AMBRA1: variants seen among roughly 807,000 people sequenced by gnomAD.
AMBRA1 encodes autophagy and beclin 1 regulator 1.
AMBRA1 carries 47 observed loss-of-function variants against 125.4 expected under a neutral mutation model. The ratio of observed to expected loss-of-function variants is 0.37; its 90% CI spans 0.30 to 0.48. AMBRA1 has a LOEUF of 0.48. Ranked by LOEUF, AMBRA1 falls within the 20% of genes least tolerant of loss-of-function variation. AMBRA1 has a pLI of 0.99. For synonymous variants in AMBRA1, 626 were observed against 655.5 expected (o/e 0.95, Z 0.69); for missense variants, 1,331 against 1,693.4 (o/e 0.79, Z 3.76).
intron 14 of AMBRA1, among the ~76,000 whole-genome samples, chr11:46,433,073 A>G (rs567709971): frequency 5.0e-4 from 76 of 152,202 alleles, no homozygotes; most frequent in African/African-American, 1.7e-3. Flanking sequence ...TAACCCACAG[A>G]AAAAAAACAT....
At chr11:46,536,112 T>C (rs943538311) in intron 7 of AMBRA1, among the ~76,000 whole-genome samples, 1 of 152,276 alleles carries the variant, frequency 6.6e-6, no homozygotes, top group Non-Finnish European at 1.5e-5. Context: ...TAATCTTTTT[T>C]ACTAAAAAGG....
At chr11:46,439,163 A>G (rs1034685004) in intron 12 of AMBRA1, among the ~76,000 whole-genome samples, 1 of 152,178 alleles carries the variant, frequency 6.6e-6, no homozygotes, top group Non-Finnish European at 1.5e-5. Flanking sequence ...AGGCCGAGTT[A>G]CTTGGAAGGC....
chr11:46,444,855 C>A (rs915584171), intron 11 of AMBRA1, among the ~76,000 whole-genome samples: 10 of 152,208 alleles, frequency 6.6e-5, no homozygotes, highest in African/African-American at 2.4e-4. Flanking sequence ...ACTCTCTGCA[C>A]TCTTCCGGTT....
rs567099362 is a variant in AMBRA1 at position 46,582,670 on chromosome 11, T to C, written c.-121+11158A>G. ...TTGCTAGCTATATACCTTGGGCAAATTGCTTAATTTCTCTGTGCCACAACT... is the reference window on the plus strand; with the variant it reads ...TTGCTAGCTATATACCTTGGGCAAACTGCTTAATTTCTCTGTGCCACAACT... On this transcript the variant is annotated intron_variant, in intron 1 of 17. Transcript: ENST00000683756. 4.9e-4 allele frequency among the ~76,000 whole-genome samples: 74 copies of C among 152,256 alleles called. 1 individual carries two copies. Among genetic ancestry groups the C allele is most frequent in the African/African-American group, 1.5e-3 (63 of 41,550 alleles).
intron 11 of AMBRA1, among the ~76,000 whole-genome samples, chr11:46,488,902 G>GT (rs201973374): frequency 7.9e-5 from 12 of 152,008 alleles, no homozygotes; most frequent in East Asian, 7.7e-4. Flanking sequence ...CAGTAAAAAG[G>GT]TTTTTTTGTT....
intron 1 of AMBRA1, among the ~76,000 whole-genome samples, chr11:46,584,315 T>C (rs1419080304): frequency 1.5e-4 from 21 of 140,546 alleles, no homozygotes; most frequent in Non-Finnish European, 2.9e-4. Context: ...TAGGTGGGAA[T>C]TGAGCAATGA....
chr11:46,517,554 G>C (rs1951552530), intron 7 of AMBRA1, among the ~76,000 whole-genome samples: 1 of 140,438 alleles, frequency 7.1e-6, no homozygotes, highest in Admixed American at 7.4e-5. Context: ...TACTAAACAG[G>C]CCGGGTGCAG....
At chr11:46,403,938 G>A (rs1205344787) in intron 17 of AMBRA1, among the ~76,000 whole-genome samples, 5 of 152,144 alleles carry the variant, frequency 3.3e-5, no homozygotes, top group African/African-American at 9.7e-5. Flanking sequence ...GGCGGCTCAC[G>A]CCTATAATCC....
At chr11:46,505,547 T>G (rs905608616) in intron 9 of AMBRA1, among the ~76,000 whole-genome samples, 2 of 150,716 alleles carry the variant, frequency 1.3e-5, no homozygotes, top group African/African-American at 4.9e-5. Flanking sequence ...TTCCAAGGAG[T>G]ATGAGAGAAA....
Position 46,542,045 on chromosome 11 carries a change from C to T in AMBRA1, c.1972G>A (p.Glu658Lys). The change falls in exon 7 of 18, where the codon GAA (glutamate) becomes AAA (lysine). Residue 658 changes from glutamate (E) to lysine (K), a missense_variant. This residue lies in a region of AMBRA1 where 689 missense variants were observed against 776.5 expected (regional missense o/e 0.89). Transcript: ENST00000683756. This position sits in a 1 kb window ranked among gnomAD's most constrained non-coding sequence, Gnocchi z 5.9. ...CTGCTGGACTGGGTGTAAATTCTTT[C>T]CCAGTGGCCTGTCTCCTGGTTAAAG... Reference protein sequence around the residue: ...VAFNQETGHWERIYTQSSRSG... With the variant: ...VAFNQETGHWKRIYTQSSRSG... 6.2e-7 allele frequency: 1 copy of T among 1,613,944 alleles called. No individual in the cohort carries two copies. The highest frequency in any genetic ancestry group is 8.5e-7 in the Non-Finnish European group (1 of 1,179,946).
At chr11:46,539,960 C>T (rs576360191) in intron 7 of AMBRA1, among the ~76,000 whole-genome samples, 11 of 152,114 alleles carry the variant, frequency 7.2e-5, no homozygotes, top group African/African-American at 1.7e-4. Context: ...GCTTCCCAAG[C>T]AGATGGGACT....
chr11:46,479,910 C>G (rs1230497058), intron 11 of AMBRA1, among the ~76,000 whole-genome samples: 2 of 152,122 alleles, frequency 1.3e-5, no homozygotes, highest in African/African-American at 4.8e-5. Context: ...GTTCTATAGG[C>G]CTGAAGTCAA....
chr11:46,439,484 C>A, intron 12 of AMBRA1, among the ~76,000 whole-genome samples: 1 of 152,018 alleles, frequency 6.6e-6, no homozygotes, highest in East Asian at 1.9e-4. Flanking sequence ...AAGTGAGTAG[C>A]CATATGGGGG....
In AMBRA1 at chr11:46,433,635, G is replaced by T; in HGVS notation, c.2822-7C>A. 6.2e-7 allele frequency: 1 copy of T among 1,611,488 alleles called. No homozygotes were observed. The highest frequency in any genetic ancestry group is 1.3e-5 in the African/African-American group (1 of 75,022). On this transcript the variant is annotated splice_region_variant and splice_polypyrimidine_tract_variant and intron_variant, in intron 13 of 17. Coordinates refer to ENST00000683756, the MANE Select transcript of AMBRA1 (RefSeq NM_001387011.1). ...ACCGAAATGGCATTGGGACCTGAGG[G>T]CCAACAAAACAGAGAAATATTTCCT... is the stretch of plus-strand genomic sequence containing the variant.
chr11:46,411,111 A>G (rs1334660137), intron 15 of AMBRA1, among the ~76,000 whole-genome samples: 1 of 150,950 alleles, frequency 6.6e-6, no homozygotes, highest in African/African-American at 2.4e-5. Flanking sequence ...AAAAAAAAAA[A>G]AAAGAAAAAA....
chr11:46,575,489 A>G (rs1425248497), intron 1 of AMBRA1, among the ~76,000 whole-genome samples: 1 of 150,126 alleles, frequency 6.7e-6, no homozygotes, highest in Non-Finnish European at 1.5e-5. Flanking sequence ...CTTATAAACA[A>G]CAGAAATTTG....
chr11:46,443,731 G>C, intron 11 of AMBRA1, 133 bp from the exon 12 acceptor site: 1 of 713,518 alleles, frequency 1.4e-6, no homozygotes, highest in South Asian at 1.9e-5. Context: ...GAAAGCTAAT[G>C]AGTCCCATCT....
At chr11:46,541,217 T>G (rs1208162583) in intron 7 of AMBRA1, among the ~76,000 whole-genome samples, 1 of 152,126 alleles carries the variant, frequency 6.6e-6, no homozygotes, top group Admixed American at 6.5e-5. Context: ...CTACACCTAC[T>G]CTGTTTCTCC....
intron 7 of AMBRA1, among the ~76,000 whole-genome samples, chr11:46,521,166 G>A (rs1292198523): frequency 6.6e-6 from 1 of 152,226 alleles, no homozygotes; most frequent in African/African-American, 2.4e-5. Context: ...AAGGTTGCTA[G>A]ATGCCCAAAA....
Sources: gnomAD v4.1 joint callset for allele counts (sites outside exome capture counted in the v4.1 genomes callset) on GRCh38, gnomAD v4.1.1 for gene constraint, gnomAD v4.1.1 regional missense constraint, Gnocchi (gnomAD v3.1) non-coding constraint, MANE v1.5 for transcripts, NCBI Gene and HGNC (gene_info 2026-07-23, HGNC 2026-07-21) for gene names.